The following TCOF1 variants were observed in gnomAD, a reference collection of about 807,000 sequenced individuals.
The protein encoded by TCOF1 is treacle ribosome biogenesis factor 1, also known as treacle protein.
TCOF1 carries 33 observed loss-of-function variants against 149.0 expected under a neutral mutation model. The ratio of observed to expected loss-of-function variants is 0.22; its 90% CI spans 0.17 to 0.30. The LOEUF (loss-of-function observed/expected upper bound fraction) is 0.30, where lower values mean the gene tolerates loss of function less well. Among genes scored for constraint, TCOF1 ranks in the 10% least tolerant of loss-of-function variants. The pLI is 1.00. For synonymous variants in TCOF1, 789 were observed against 738.8 expected (o/e 1.07, Z -1.10); for missense variants, 1,728 against 1,840.7 (o/e 0.94, Z 1.12).
intron 7 of TCOF1, among the ~76,000 whole-genome samples, chr5:150,372,819 G>A (rs1314280423): frequency 6.6e-6 from 1 of 152,206 alleles, no homozygotes; most frequent in Non-Finnish European, 1.5e-5. Context: ...CATAGGAATG[G>A]CAACTTGAAG....
At chr5:150,358,556 G>A (rs1479267214) in intron 1 of TCOF1, among the ~76,000 whole-genome samples, 9 of 152,202 alleles carry the variant, frequency 5.9e-5, no homozygotes, top group African/African-American at 2.2e-4. Context: ...AGAGGGATGG[G>A]CCGGGCACGG....
Position 150,391,973 on chromosome 5 carries a change from G to T in TCOF1, c.3314G>T (p.Gly1105Val), listed in dbSNP as rs759207627. 6 of 1,614,172 alleles carry T rather than the reference G, an allele frequency of 3.7e-6. No individual in the cohort carries two copies. In the East Asian group the frequency reaches 8.9e-5, roughly 24 times the overall value. The change falls in exon 21 of 27, where the codon GGA becomes GTA. Residue 1105 changes from glycine (G) to valine (V), a missense_variant. Transcript: ENST00000643257. ...CCGAATTAGGTTGACAGTGCTGTGG[G>T]AACACTCCCTGCAACAAGTCCCCAG... ...QPSSGVDSAV[G>V]TLPATSPQST...
chr5:150,383,843 C>G lies in TCOF1; in HGVS notation c.2860-4059C>G. On this transcript the variant is annotated intron_variant, in intron 17 of 26. Transcript: ENST00000643257. ...CTGCACCCAGAGCTTAAGCCACAGT[C>G]CTGCTCAGGCTACACCTCCAAGGGT... The G allele has an allele frequency of 1.9e-6, 3 of 1,551,194 alleles. No individual in the cohort carries two copies. The South Asian group carries it at 3.6e-5, about 18-fold the overall frequency.
At position 150,374,806 on chromosome 5, in the gene TCOF1, G is replaced by A. The variant is rs368518859; in HGVS notation, c.1273G>A (p.Ala425Thr). The A allele has an allele frequency of 1.2e-6, 2 of 1,608,536 alleles. No individual in the cohort carries two copies. Among genetic ancestry groups the A allele is most frequent in the Admixed American group, 1.7e-5 (1 of 58,456 alleles). ...EESDSEEEAP[A>T]QAKPSGKAPQ... is the part of the protein sequence containing the mutation. ...ATCGGACAGTGAGGAGGAGGCGCCT[G>A]CTCAGGTGAGGCAGAGGGGAGGGGT... The change falls in exon 9 of 27, where the codon GCT becomes ACT. Residue 425 changes from alanine to threonine, a missense_variant. Ala to Thr is a moderately conservative substitution (Grantham distance 58). Coordinates refer to ENST00000643257, the MANE Select transcript of TCOF1 (RefSeq NM_001371623.1).
At chr5:150,364,744 C>T (rs574540298) in intron 3 of TCOF1, among the ~76,000 whole-genome samples, 1 of 152,308 alleles carries the variant, frequency 6.6e-6, no homozygotes, top group East Asian at 1.9e-4. Context: ...TCAGTCAAAG[C>T]TTTTATAGCC....
intron 21 of TCOF1, 92 bp downstream of exon 21, chr5:150,392,268 C>G (rs1355334623): frequency 7.6e-7 from 1 of 1,314,804 alleles, no homozygotes; most frequent in Non-Finnish European, 1.1e-6. Context: ...CTCCATATCT[C>G]AGACTCATTC....
At chr5:150,363,000 G>T (rs937944273) in intron 2 of TCOF1, among the ~76,000 whole-genome samples, 15 of 152,264 alleles carry the variant, frequency 9.9e-5, no homozygotes, top group African/African-American at 3.6e-4. Context: ...CCCTGAGTCT[G>T]TCTTCACCTA....
In TCOF1 at chr5:150,369,569, C is replaced by T. The variant is rs1471832579; in HGVS notation, c.606C>T (p.Asp202=). The T allele has an allele frequency of 6.2e-7, 1 of 1,614,026 alleles. No individual in the cohort carries two copies. The highest frequency in any genetic ancestry group is 1.3e-5 in the African/African-American group (1 of 74,912). The change falls in exon 6 of 27, where the codon GAC becomes GAT. Residue 202 remains aspartate, a synonymous_variant. Coordinates refer to ENST00000643257, the MANE Select transcript of TCOF1 (RefSeq NM_001371623.1). The stretch of plus-strand genomic sequence containing the variant: ...GCCAGGCCGACAGCTCCAGCGAGGA[C>T]ACCTCCAGCTCCAGTGATGAGACAG... ...SAGQADSSSE[D]TSSSSDETDV...
At chr5:150,359,288 A>G (rs1436375351) in intron 1 of TCOF1, among the ~76,000 whole-genome samples, 3 of 150,794 alleles carry the variant, frequency 2.0e-5, no homozygotes, top group Non-Finnish European at 4.4e-5. Context: ...CAGAGGTTGC[A>G]CTGAGCTGAG....
At chr5:150,390,843 A>G (rs113945971) in intron 19 of TCOF1, among the ~76,000 whole-genome samples, 2 of 152,188 alleles carry the variant, frequency 1.3e-5, no homozygotes, top group Non-Finnish European at 2.9e-5. Flanking sequence ...AGACAGGGAC[A>G]AGGAATTCCC....
Position 150,383,875 on chromosome 5 carries a change from A to C in TCOF1, c.2860-4027A>C, listed in dbSNP as rs898563137. 2.1e-5 allele frequency: 32 copies of C among 1,544,862 alleles called. No individual in the cohort carries two copies. In the South Asian group the frequency reaches 2.3e-4, roughly 11 times the overall value. ...AGGCTACACCTCCAAGGGTGGGACCAGGCCCACCTTATCTTCCTGTACTCC... is the reference window on the plus strand; with the variant it reads ...AGGCTACACCTCCAAGGGTGGGACCCGGCCCACCTTATCTTCCTGTACTCC... On this transcript the variant is annotated intron_variant, in intron 17 of 26. Coordinates refer to ENST00000643257, the MANE Select transcript of TCOF1 (RefSeq NM_001371623.1).
Position 150,396,859 on chromosome 5 carries a change from C to T in TCOF1, c.4345+17C>T, listed in dbSNP as rs749627023. 62 of 1,575,516 alleles carry T rather than the reference C, an allele frequency of 3.9e-5. No individual in the cohort carries two copies. The highest frequency in any genetic ancestry group is 5.0e-5 in the Non-Finnish European group (58 of 1,161,402). ...CCGACAAGAGTGAGTGACCGCTTCT[C>T]CCAGCCCACCCCAAGGGCTGCTGGG... On this transcript the variant is annotated intron_variant, in intron 24 of 26. Coordinates refer to ENST00000643257, the MANE Select transcript of TCOF1 (RefSeq NM_001371623.1).
Position 150,389,968 on chromosome 5 carries a change from G to A in TCOF1, c.3128G>A (p.Ser1043Asn). ...GCCAGCATGGCTGGGGCCAGCAGCAGCAAGGAGTCCAGTCGGATATCAGAT... is the reference window on the plus strand; with the variant it reads ...GCCAGCATGGCTGGGGCCAGCAGCAACAAGGAGTCCAGTCGGATATCAGAT... ...PKASMAGASS[S>N]KESSRISDGK... Residue 1043 changes from serine to asparagine, a missense_variant, in exon 19 of 27, where the codon AGC becomes AAC. Physicochemically the swap from Ser to Asn is conservative, Grantham distance 46. Around this residue, in one of 2 missense-constraint regions of TCOF1, gnomAD observed 1,696 missense variants for 1,765.4 expected, o/e 0.96. Coordinates refer to ENST00000643257, the MANE Select transcript of TCOF1 (RefSeq NM_001371623.1). The A allele has an allele frequency of 6.2e-7, 1 of 1,614,178 alleles. No individual in the cohort carries two copies. The highest frequency in any genetic ancestry group is 8.5e-7 in the Non-Finnish European group (1 of 1,180,032).
intron 3 of TCOF1, chr5:150,367,558 C>G (rs1018871605): frequency 2.3e-6 from 1 of 433,962 alleles, no homozygotes; most frequent in African/African-American, 2.0e-5. Flanking sequence ...TGGGCCAGTC[C>G]TTTTCCCTCC....
At position 150,389,900 on chromosome 5, in the gene TCOF1, TGTG is replaced by T. The variant is rs1191837780; in HGVS notation, c.3064_3066del (p.Val1022del). 1.2e-6 allele frequency: 2 copies of T among 1,614,076 alleles called. No individual in the cohort carries two copies. Among genetic ancestry groups the T allele is most frequent in the South Asian group, 1.1e-5 (1 of 91,090 alleles). On this transcript the variant is annotated inframe_deletion, in exon 19 of 27. Coordinates refer to ENST00000643257, the MANE Select transcript of TCOF1 (RefSeq NM_001371623.1). ...GCTCCATTTCAGGCATCAGAACCAATGTGGTGACCATGCCCACTGCCCACCCAA... is the reference window on the plus strand; with the variant it reads ...GCTCCATTTCAGGCATCAGAACCAATGTGACCATGCCCACTGCCCACCCAA...
At chr5:150,363,495 AGTT>A (rs776158091) in intron 2 of TCOF1, among the ~76,000 whole-genome samples, 2 of 152,212 alleles carry the variant, frequency 1.3e-5, no homozygotes, top group African/African-American at 2.4e-5. Flanking sequence ...CAAGTCACTT[AGTT>A]GTTCAGTTTT....
In TCOF1 at chr5:150,369,542, G is replaced by T; in HGVS notation, c.579G>T (p.Ala193=). The T allele has an allele frequency of 6.2e-7, 1 of 1,614,134 alleles. No homozygotes were observed. The highest frequency in any genetic ancestry group is 1.3e-5 in the African/African-American group (1 of 75,036). The change falls in exon 6 of 27, where the codon GCG becomes GCT. Residue 193 remains alanine (A), a synonymous_variant. Transcript: ENST00000643257. The part of the protein sequence containing the change: ...GAAAKPGMVS[A]GQADSSSEDT... ...TCCGATCCTCAGGGATGGTGTCAGC[G>T]GGCCAGGCCGACAGCTCCAGCGAGG...
intron 1 of TCOF1, among the ~76,000 whole-genome samples, chr5:150,358,491 T>C (rs1562264580): frequency 6.6e-6 from 1 of 152,008 alleles, no homozygotes; most frequent in Non-Finnish European, 1.5e-5. Flanking sequence ...GGTAGACAAA[T>C]CAAAGAATCA....
At chr5:150,387,602 C>T (rs928804328) in intron 17 of TCOF1, among the ~76,000 whole-genome samples, 4 of 152,194 alleles carry the variant, frequency 2.6e-5, no homozygotes, top group African/African-American at 7.2e-5. Flanking sequence ...AGCCTTGGGT[C>T]GCTCCCTTTC....
Sources: gnomAD v4.1 joint callset for allele counts (sites outside exome capture counted in the v4.1 genomes callset) on GRCh38, gnomAD v4.1.1 for gene constraint, gnomAD v4.1.1 regional missense constraint, MANE v1.5 for transcripts, NCBI Gene and HGNC (gene_info 2026-07-23, HGNC 2026-07-21) for gene names.